ZFYVE26: variants seen among roughly 807,000 people sequenced by gnomAD.
The protein encoded by ZFYVE26 is zinc finger FYVE-type containing 26.
In ZFYVE26, 181 loss-of-function variants were observed where a neutral mutation model predicts 276.5. The ratio of observed to expected loss-of-function variants is 0.65; its 90% CI spans 0.58 to 0.74. The LOEUF is 0.74. ZFYVE26 is among the 30% of genes least tolerant of loss of function. The pLI, the probability that ZFYVE26 is intolerant of heterozygous loss-of-function variation, is 0.00. For synonymous variants in ZFYVE26, 1,129 were observed against 1,203.1 expected, an observed-to-expected ratio of 0.94 and a Z score of 1.27; for missense variants, 2,821 against 3,097.9, an observed-to-expected ratio of 0.91 and a Z score of 2.12.
At chr14:67,803,080 G>T (rs886749823) in intron 9 of ZFYVE26, among the ~76,000 whole-genome samples, 1 of 152,156 alleles carries the variant, frequency 6.6e-6, no homozygotes, top group Admixed American at 6.5e-5. Flanking sequence ...ACTATATGGG[G>T]TATAGTGATA....
intron 32 of ZFYVE26, among the ~76,000 whole-genome samples, chr14:67,764,639 C>T (rs542794382): frequency 1.3e-5 from 2 of 152,162 alleles, no homozygotes; most frequent in Non-Finnish European, 2.9e-5. Flanking sequence ...CATGGCGACA[C>T]ATGTGAGCAA....
intron 1 of ZFYVE26, 102 bp from the exon 2 acceptor site, chr14:67,816,148 A>C (rs1386515507): frequency 5.2e-6 from 3 of 571,972 alleles, no homozygotes; most frequent in East Asian, 5.7e-5. Context: ...TGCTTGCCTA[A>C]GTATCGTTTT....
chr14:67,802,192 T>C lies in ZFYVE26; in HGVS notation c.1526A>G (p.Tyr509Cys), dbSNP rs767673365. The stretch of plus-strand genomic sequence containing the variant: ...CTGGTGTGAGTTTACACAGAGGGCA[T>C]AGATGGCATACTTCATGGCACAGAA... ...QGFCAMKYAI[Y>C]ALCVNSHQHS... Residue 509 changes from tyrosine to cysteine, a missense_variant, in exon 10 of 42, where the codon TAT becomes TGT. Physicochemically the swap from Tyr to Cys is radical, Grantham distance 194. Coordinates refer to ENST00000347230, the MANE Select transcript of ZFYVE26 (RefSeq NM_015346.4). 2.9e-5 allele frequency: 47 copies of C among 1,614,074 alleles called. No individual in the cohort carries two copies. Among genetic ancestry groups the C allele is most frequent in the Non-Finnish European group, 3.3e-5 (39 of 1,180,038 alleles).
At chr14:67,746,300 CA>C (rs11404942), downstream of ZFYVE26, among the ~76,000 whole-genome samples, 222 of 149,498 alleles carry the variant, frequency 1.5e-3, 1 homozygote, top group Non-Finnish European at 2.7e-3. Flanking sequence ...CCAACTGAAG[CA>C]AAAAAAAAAG....
intron 10 of ZFYVE26, chr14:67,799,283 TAC>T (rs998187959): frequency 1.7e-5 from 28 of 1,613,294 alleles, no homozygotes; most frequent in Admixed American, 3.3e-5. Context: ...TTGCGTGCAG[TAC>T]ACAGAGGAAC....
intron 10 of ZFYVE26, chr14:67,799,195 A>G: frequency 6.2e-7 from 1 of 1,605,886 alleles, no homozygotes; most frequent in Non-Finnish European, 8.5e-7. Flanking sequence ...ACAAAGGTTC[A>G]GAAGAAGAGC....
chr14:67,751,215 T>C, intron 40 of ZFYVE26, 119 bp from the exon 41 acceptor site: 2 of 1,173,860 alleles, frequency 1.7e-6, no homozygotes, highest in Admixed American at 1.9e-5. Flanking sequence ...CTGCCTGACT[T>C]TTTTTTTCTC....
At position 67,773,553 on chromosome 14, in the gene ZFYVE26, G is replaced by GCACA. The variant is rs150277930; in HGVS notation, c.5321-1347_5321-1344dup. Among the ~76,000 whole-genome samples the GCACA allele has an allele frequency of 1.2e-3, 171 of 136,956 alleles. 1 individual carries two copies. Among genetic ancestry groups the GCACA allele is most frequent in the Non-Finnish European group, 1.4e-3 (90 of 65,154 alleles). The allele number at this position is 136,956 out of a possible 152,430, so 89.8% of individuals were successfully genotyped here. A position where few individuals can be genotyped will look rare whatever the true frequency, so the allele number is the denominator to read the frequency against. ...TGTCTCCAAAAAAAAAAAAAAAGGC[G>GCACA]CACACACACACACACACACCCCAAA... On this transcript the variant is annotated intron_variant, in intron 27 of 41. Transcript: ENST00000347230.
chr14:67,745,676 G>A (rs2038474918), downstream of ZFYVE26, among the ~76,000 whole-genome samples: 1 of 151,896 alleles, frequency 6.6e-6, no homozygotes, highest in South Asian at 2.1e-4. Flanking sequence ...TGACAATTTG[G>A]TTGATATTGA....
intron 28 of ZFYVE26, among the ~76,000 whole-genome samples, chr14:67,771,684 G>A (rs2039213058): frequency 6.6e-6 from 1 of 152,042 alleles, no homozygotes; most frequent in Non-Finnish European, 1.5e-5. Flanking sequence ...TTAGAACCCA[G>A]GCCCTCTGTC....
rs946472691 is a variant in ZFYVE26 at position 67,761,523 on chromosome 14, A to G, written c.6431T>C (p.Leu2144Pro). Residue 2144 changes from leucine (L) to proline (P), a missense_variant, in exon 35 of 42, where the codon CTT becomes CCT. Transcript: ENST00000347230. ...CCCTTCAGGAATCACTGCCAGAGAA[A>G]GGCTCTGCGTCCGAAGGGTAGCTTC... ...ELEATLRTQS[L>P]SLAVIPEGKI... The G allele has an allele frequency of 3.7e-6, 6 of 1,614,228 alleles. No individual in the cohort carries two copies. Among genetic ancestry groups the G allele is most frequent in the Non-Finnish European group, 5.1e-6 (6 of 1,180,044 alleles).
chr14:67,805,279 CCTGAGGAGCT>C lies in ZFYVE26; in HGVS notation c.1199_1208del (p.Glu400GlyfsTer87), dbSNP rs2040154938. On this transcript the variant is annotated frameshift_variant, in exon 8 of 42. Transcript: ENST00000347230. LOFTEE classifies it high-confidence loss of function. Reference sequence around the variant, plus strand: ...GAGCCCACAACCCATCACAGGCATCCCTGAGGAGCTCATCACAGCCTGGGCCCTATGTTGA... The same window carrying C: ...GAGCCCACAACCCATCACAGGCATCCCATCACAGCCTGGGCCCTATGTTGA... 1 of 1,614,008 alleles carries C rather than the reference CCTGAGGAGCT, an allele frequency of 6.2e-7. No individual in the cohort carries two copies.
intron 23 of ZFYVE26, among the ~76,000 whole-genome samples, chr14:67,779,632 G>T (rs2039442577): frequency 6.6e-6 from 1 of 152,152 alleles, no homozygotes; most frequent in Non-Finnish European, 1.5e-5. Flanking sequence ...CTGCGAGTGG[G>T]AGTGTAACTG....
Position 67,780,327 on chromosome 14 carries a change from G to A in ZFYVE26, c.4588C>T (p.Pro1530Ser), listed in dbSNP as rs1663786011. The stretch of plus-strand genomic sequence containing the variant: ...GTCTGCCAGTCACACCACACTGGGG[G>A]AGACTGCAAACCCAGAATCTAAGGA... ...VYQKILGLQS[P>S]PVWCDWQTLR... The change falls in exon 23 of 42, where the codon CCC becomes TCC. Residue 1530 changes from proline to serine, a missense_variant. Physicochemically the swap from Pro to Ser is moderately conservative, Grantham distance 74. Coordinates refer to ENST00000347230, the MANE Select transcript of ZFYVE26 (RefSeq NM_015346.4). The A allele has an allele frequency of 1.9e-6, 3 of 1,613,768 alleles. No individual in the cohort carries two copies. Among genetic ancestry groups the A allele is most frequent in the Non-Finnish European group, 2.5e-6 (3 of 1,179,926 alleles).
chr14:67,797,487 A>G (rs1291032858), intron 12 of ZFYVE26, 185 bp downstream of exon 12: 1 of 687,432 alleles, frequency 1.5e-6, no homozygotes, highest in East Asian at 2.7e-5. Context: ...ACATGTTTAT[A>G]TTGCATGGAA....
chr14:67,810,625 TAG>T (rs555393806), intron 3 of ZFYVE26, among the ~76,000 whole-genome samples: 138 of 152,276 alleles, frequency 9.1e-4, no homozygotes, highest in Non-Finnish European at 1.5e-3. Flanking sequence ...GTCTAATATA[TAG>T]AGACAAAGGC....
chr14:67,783,511 AG>A lies in ZFYVE26; in HGVS notation c.3640del (p.Leu1214TrpfsTer8). 2 of 1,613,280 alleles carry A rather than the reference AG, an allele frequency of 1.2e-6. No individual in the cohort carries two copies. The highest frequency in any genetic ancestry group is 1.7e-6 in the Non-Finnish European group (2 of 1,180,022). On this transcript the variant is annotated frameshift_variant, in exon 21 of 42. Transcript: ENST00000347230. LOFTEE classifies it high-confidence loss of function. The part of the protein sequence containing the change: ...QVPPERLAAL[L>X]AQENLSLSVP... The stretch of plus-strand genomic sequence containing the variant: ...ACTTAGGCTGAGATTCTCTTGGGCC[AG>A]AAGGGCTGCCAGTCTGGAAGGAGAG...
intron 14 of ZFYVE26, chr14:67,729,157 T>C (rs2038230695): frequency 6.2e-7 from 1 of 1,605,388 alleles, no homozygotes; most frequent in Non-Finnish European, 8.5e-7. Flanking sequence ...GCTCAGAGTG[T>C]GTCCCTGATC....
intron 4 of ZFYVE26, 91 bp downstream of exon 4, chr14:67,809,109 T>C: frequency 8.0e-6 from 9 of 1,129,240 alleles, no homozygotes; most frequent in Non-Finnish European, 1.1e-5. Flanking sequence ...ATGGGCAACA[T>C]CTTGGAGACC....
Sources: allele counts gnomAD v4.1 joint callset (sites outside exome capture counted in the v4.1 genomes callset), GRCh38; gene constraint gnomAD v4.1.1; transcripts MANE v1.5; gene names NCBI Gene and HGNC (gene_info 2026-07-23, HGNC 2026-07-21).